Variants in RSF1 observed in about 807,000 individuals in gnomAD.
RSF1 encodes the protein remodeling and spacing factor 1, also known as HBV pX-associated protein 8.
RSF1 carries 13 observed loss-of-function variants against 145.2 expected under a neutral mutation model. That is an observed-to-expected ratio of 0.09 (90% confidence interval 0.06 to 0.14). The LOEUF (loss-of-function observed/expected upper bound fraction) is 0.14. Among genes scored for constraint, RSF1 ranks in the 10% least tolerant of loss-of-function variants. RSF1 has a pLI of 1.00. For synonymous variants in RSF1, 577 were observed against 592.6 expected, an observed-to-expected ratio of 0.97 and a Z score of 0.38; for missense variants, 1,517 against 1,718.2, an observed-to-expected ratio of 0.88 and a Z score of 2.07.
At chr11:77,827,896 A>T in the RSF1 span, among the ~76,000 whole-genome samples, 1 of 152,232 alleles carries the variant, frequency 6.6e-6, no homozygotes, top group Non-Finnish European at 1.5e-5. Context: ...AGCTATTAGA[A>T]CAAATAGGCA....
chr11:77,837,328 G>A, the RSF1 span, among the ~76,000 whole-genome samples: 5 of 152,142 alleles, frequency 3.3e-5, no homozygotes, highest in African/African-American at 1.2e-4. Context: ...GTAGAGACAG[G>A]GTTTCACCAC....
chr11:77,727,628 C>T (rs1183571383), intron 4 of RSF1, among the ~76,000 whole-genome samples: 1 of 151,948 alleles, frequency 6.6e-6, no homozygotes, highest in East Asian at 1.9e-4. Flanking sequence ...AGGCACCCAT[C>T]ACCACGCCTG....
intron 11 of RSF1, among the ~76,000 whole-genome samples, chr11:77,682,357 A>C (rs910657017): frequency 6.6e-6 from 1 of 152,228 alleles, no homozygotes; most frequent in Non-Finnish European, 1.5e-5. Flanking sequence ...ATTCAAGTTA[A>C]AAAACTGATT....
rs183593515 is a variant in RSF1, at chr11:77,720,146, C to T, written c.733+5399G>A. Reference sequence around the variant, plus strand: ...AAAAACAAAGCAGCACTGTAGAAACCAAAATAAACACGTTTTTGGGCCAAA... The same window carrying T: ...AAAAACAAAGCAGCACTGTAGAAACTAAAATAAACACGTTTTTGGGCCAAA... On this transcript the variant is annotated intron_variant, in intron 5 of 15. Coordinates refer to ENST00000308488, the MANE Select transcript of RSF1 (RefSeq NM_016578.4). Among the ~76,000 whole-genome samples the T allele has an allele frequency of 3.6e-3, 553 of 152,150 alleles. 1 individual carries two copies. Among genetic ancestry groups the T allele is most frequent in the Non-Finnish European group, 6.0e-3 (408 of 67,974 alleles).
intron 4 of RSF1, among the ~76,000 whole-genome samples, chr11:77,726,586 T>A (rs1335478801): frequency 6.6e-6 from 1 of 152,150 alleles, no homozygotes; most frequent in Non-Finnish European, 1.5e-5. Flanking sequence ...AGAAATGCTG[T>A]CAGACAGTGC....
intron 3 of RSF1, among the ~76,000 whole-genome samples, chr11:77,742,266 C>G (rs1378762667): frequency 6.6e-6 from 1 of 152,038 alleles, no homozygotes; most frequent in African/African-American, 2.4e-5. Flanking sequence ...TCACAATCAG[C>G]GTGCAAGGGT....
In RSF1 at chr11:77,661,203, A is replaced by T. The variant is rs1055324251; in HGVS notation, c.*5714T>A. 2 of 152,164 alleles carry T rather than the reference A, an allele frequency of 1.3e-5. No individual in the cohort carries two copies. Among genetic ancestry groups the T allele is most frequent in the African/African-American group, 4.8e-5 (2 of 41,442 alleles). 9.4% of individuals were successfully genotyped at this position (152,164 alleles called of 1,614,324 possible). A position where few individuals can be genotyped will look rare whatever the true frequency, so the allele number is the denominator to read the frequency against. On this transcript the variant is annotated 3_prime_UTR_variant, in exon 16 of 16. Transcript: ENST00000308488. ...AGCCCTGCTCTACCACCATCTTAGCATAGGACATACCCTTTCAAAGTGTAC... is the reference window on the plus strand; with the variant it reads ...AGCCCTGCTCTACCACCATCTTAGCTTAGGACATACCCTTTCAAAGTGTAC...
chr11:77,842,527 T>TG, the RSF1 span: 1 of 1,613,960 alleles, frequency 6.2e-7, no homozygotes, highest in Non-Finnish European at 8.5e-7. Context: ...TTCCTTATCA[T>TG]GGGGGCAAAT....
chr11:77,764,385 A>G (rs1179070187), intron 2 of RSF1: 10 of 487,884 alleles, frequency 2.0e-5, no homozygotes, highest in Admixed American at 2.0e-4. Context: ...CAAAAGAGAT[A>G]TAACACTTCT....
chr11:77,712,925 G>A (rs1197893797), intron 5 of RSF1, among the ~76,000 whole-genome samples: 1 of 152,082 alleles, frequency 6.6e-6, no homozygotes, highest in African/African-American at 2.4e-5. Flanking sequence ...CCCTTTTTGA[G>A]CACATCCTTA....
the RSF1 span, among the ~76,000 whole-genome samples, chr11:77,859,829 G>A: frequency 2.0e-5 from 3 of 152,208 alleles, no homozygotes; most frequent in African/African-American, 4.8e-5. Context: ...AGTTGCACAA[G>A]TGCACAGTCG....
At chr11:77,764,751 A>G in intron 1 of RSF1, 62 bp from the exon 2 acceptor site, 1 of 1,041,642 alleles carries the variant, frequency 9.6e-7, no homozygotes, top group Non-Finnish European at 1.4e-6. Context: ...AACATTTAAG[A>G]TAATAAAAAA....
chr11:77,662,219 T>G lies in RSF1; in HGVS notation c.*4698A>C, dbSNP rs1188252483. On this transcript the variant is annotated 3_prime_UTR_variant, in exon 16 of 16. Transcript: ENST00000308488. Reference sequence around the variant, plus strand: ...TAGGATAGTCATATTTTAAAGTTATTAAAATAAACATCTTCACTAACTGAA... The same window carrying G: ...TAGGATAGTCATATTTTAAAGTTATGAAAATAAACATCTTCACTAACTGAA... 6.6e-6 allele frequency: 1 copy of G among 152,084 alleles called. No homozygotes were observed. The highest frequency in any genetic ancestry group is 1.5e-5 in the Non-Finnish European group (1 of 67,992). 9.4% of individuals were successfully genotyped at this position (152,084 alleles called of 1,614,324 possible).
the RSF1 span, among the ~76,000 whole-genome samples, chr11:77,832,868 A>T: frequency 6.6e-6 from 1 of 151,626 alleles, no homozygotes; most frequent in African/African-American, 2.4e-5. Flanking sequence ...TGTGAAAGAC[A>T]GTTTTTCCAC....
chr11:77,868,873 C>A, the RSF1 span: 1 of 192,944 alleles, frequency 5.2e-6, no homozygotes, highest in Non-Finnish European at 1.1e-5. Context: ...TTCCTTCACA[C>A]ATTTCAGGAA....
At chr11:77,673,417 G>A (rs1959608036) in intron 14 of RSF1, among the ~76,000 whole-genome samples, 1 of 152,158 alleles carries the variant, frequency 6.6e-6, no homozygotes, top group Admixed American at 6.5e-5. Flanking sequence ...TTATTCTTTT[G>A]TGGATTTCAA....
intron 1 of RSF1, among the ~76,000 whole-genome samples, chr11:77,788,063 G>A (rs535856377): frequency 7.3e-6 from 1 of 136,664 alleles, no homozygotes; most frequent in African/African-American, 2.7e-5. Context: ...AATCACTTGA[G>A]TCAGGAAGGT....
rs1948861597 is a variant in RSF1, at chr11:77,820,672, C to A, written c.43G>T (p.Gly15Cys). Residue 15 changes from glycine to cysteine, a missense_variant, in exon 1 of 16, where the codon GGC (glycine) becomes TGC (cysteine). Physicochemically the swap from Gly to Cys is radical, Grantham distance 159. Transcript: ENST00000308488. The stretch of plus-strand genomic sequence containing the variant: ...AAGTTGGGGCACGAACCCGGGCAGC[C>A]CGGAGGAGCCATCACCGCCGCCGCT... ...AAAAAVMAPP[G>C]CPGSCPNFAV... 2 of 1,555,718 alleles carry A rather than the reference C, an allele frequency of 1.3e-6. No homozygotes were observed. The highest frequency in any genetic ancestry group is 1.7e-6 in the Non-Finnish European group (2 of 1,151,020).
At chr11:77,709,543 T>G (rs1439902464) in intron 5 of RSF1, among the ~76,000 whole-genome samples, 1 of 152,172 alleles carries the variant, frequency 6.6e-6, no homozygotes, top group African/African-American at 2.4e-5. Context: ...TTCACGATTT[T>G]GAAAATGTCA....
Sources: allele counts gnomAD v4.1 joint callset (sites outside exome capture counted in the v4.1 genomes callset), GRCh38; gene constraint gnomAD v4.1.1; transcripts MANE v1.5; gene names NCBI Gene and HGNC (gene_info 2026-07-23, HGNC 2026-07-21).